The following ATAD3A variants were observed in gnomAD, a reference collection of about 807,000 sequenced individuals.
The protein encoded by ATAD3A is ATPase family AAA domain-containing protein 3A.
In ATAD3A, 46 loss-of-function variants were observed where a neutral mutation model predicts 73.8. The ratio of observed to expected loss-of-function variants is 0.62; its 90% CI spans 0.49 to 0.80. The LOEUF (loss-of-function observed/expected upper bound fraction) is 0.80. Among genes scored for constraint, ATAD3A ranks in the 30% least tolerant of loss-of-function variants. The pLI is 0.00. For synonymous variants in ATAD3A, 319 were observed against 350.0 expected (o/e 0.91, Z 0.99); for missense variants, 705 against 838.0 (o/e 0.84, Z 1.96).
rs1461526890 is a variant in ATAD3A, at chr1:1,520,735, G to A, written c.750+118G>A. 1.7e-5 allele frequency: 26 copies of A among 1,510,462 alleles called. No homozygotes were observed. Among genetic ancestry groups the A allele is most frequent in the South Asian group, 5.9e-5 (5 of 84,370 alleles). The allele number at this position is 1,510,462 out of a possible 1,614,324, so 93.6% of individuals were successfully genotyped here. On this transcript the variant is annotated intron_variant, in intron 7 of 15. Transcript: ENST00000378756. The surrounding 1 kb of genome is among the most constrained non-coding windows in gnomAD (Gnocchi z 4.0). ...CACAGCCCTGTAGCTCTCCCAGCAG[G>A]GAGGAAGCCCACGTTGTACCTGCTG...
At position 1,520,561 on chromosome 1, in the gene ATAD3A, T is replaced by A. The variant is rs778743694; in HGVS notation, c.694T>A (p.Leu232Met). ...CTTTCCCCGCAGGACGGCTGGCACC[T>A]TGTTTGGGGAAGGATTCCGTGCCTT... ...VLESIRTAGT[L>M]FGEGFRAFVT... Residue 232 changes from leucine to methionine, a missense_variant, in exon 7 of 16, where the codon TTG becomes ATG. This residue lies in a region of ATAD3A where 315 missense variants were observed against 334.1 expected (regional missense o/e 0.94). Coordinates refer to ENST00000378756, the MANE Select transcript of ATAD3A (RefSeq NM_001170535.3). The surrounding 1 kb of genome is among the most constrained non-coding windows in gnomAD (Gnocchi z 4.0). 1 of 1,613,996 alleles carries A rather than the reference T, an allele frequency of 6.2e-7. No homozygotes were observed. The highest frequency in any genetic ancestry group is 8.5e-7 in the Non-Finnish European group (1 of 1,179,882).
chr1:1,518,862 C>T, intron 4 of ATAD3A, 59 bp from the exon 5 acceptor site: 1 of 1,613,874 alleles, frequency 6.2e-7, no homozygotes, highest in Non-Finnish European at 8.5e-7. Flanking sequence ...ATCCCCCGCA[C>T]ACATGGGCAC....
intron 4 of ATAD3A, among the ~76,000 whole-genome samples, chr1:1,518,029 C>T (rs1570324523): frequency 2.6e-5 from 4 of 152,002 alleles, no homozygotes; most frequent in African/African-American, 9.7e-5. Context: ...CACACACTCC[C>T]AGCACACACA....
intron 12 of ATAD3A, among the ~76,000 whole-genome samples, chr1:1,526,079 G>C (rs1459174104): frequency 6.6e-6 from 1 of 151,162 alleles, no homozygotes; most frequent in Admixed American, 6.6e-5. Flanking sequence ...CTGGAGTGCA[G>C]CGGTGCAATT....
chr1:1,534,201 C>T lies in ATAD3A; in HGVS notation c.*129C>T, dbSNP rs1186245836. 13 of 1,544,138 alleles carry T rather than the reference C, an allele frequency of 8.4e-6. No individual in the cohort carries two copies. The highest frequency in any genetic ancestry group is 1.1e-5 in the Non-Finnish European group (13 of 1,145,194). The stretch of plus-strand genomic sequence containing the variant: ...GGCTGTGCCCAGGGCCTCTGTCCCC[C>T]AGGATGTCTTGTGGTGCGGGTCGGC... On this transcript the variant is annotated 3_prime_UTR_variant, in exon 16 of 16. Coordinates refer to ENST00000378756, the MANE Select transcript of ATAD3A (RefSeq NM_001170535.3).
In ATAD3A at chr1:1,512,399, A is replaced by G. The variant is rs995479116; in HGVS notation, c.131A>G (p.Lys44Arg). 19 of 1,235,740 alleles carry G rather than the reference A, an allele frequency of 1.5e-5. No individual in the cohort carries two copies. Among genetic ancestry groups the G allele is most frequent in the Non-Finnish European group, 1.9e-5 (19 of 985,118 alleles). 76.5% of individuals were successfully genotyped at this position (1,235,740 alleles called of 1,614,324 possible). Reference sequence around the variant, plus strand: ...GGGTTGGGAGACCGGCCGGCGCCCAAGGACAAATGGAGCAACTTCGACCCC... The same window carrying G: ...GGGTTGGGAGACCGGCCGGCGCCCAGGGACAAATGGAGCAACTTCGACCCC... ...DRGLGDRPAP[K>R]DKWSNFDPTG... The change falls in exon 1 of 16, where the codon AAG (lysine) becomes AGG (arginine). Residue 44 changes from lysine (K) to arginine (R), a missense_variant. Physicochemically the swap from Lys to Arg is conservative, Grantham distance 26. Transcript: ENST00000378756.
rs144578623 is a variant in ATAD3A at position 1,520,207 on chromosome 1, G to T, written c.581G>T (p.Arg194Leu). Residue 194 changes from arginine (R) to leucine (L), a missense_variant, in exon 6 of 16, where the codon CGG becomes CTG. Physicochemically the swap from Arg to Leu is moderately radical, Grantham distance 102 (BLOSUM62 -2). Transcript: ENST00000378756. This position sits in a 1 kb window ranked among gnomAD's most constrained non-coding sequence, Gnocchi z 4.0. ...ATGCTGCGAGTGGAGGCCGAGGCCC[G>T]GGCGCGCGCCAAGGCCGAGCGGGAG... The part of the protein sequence containing the change: ...NEMLRVEAEA[R>L]ARAKAERENA... The T allele has an allele frequency of 6.2e-7, 1 of 1,611,926 alleles. No homozygotes were observed. The highest frequency in any genetic ancestry group is 8.5e-7 in the Non-Finnish European group (1 of 1,179,674).
chr1:1,525,647 C>A (rs1641791526), intron 12 of ATAD3A, among the ~76,000 whole-genome samples: 1 of 152,132 alleles, frequency 6.6e-6, no homozygotes, highest in Non-Finnish European at 1.5e-5. Context: ...ATCTCCTGAC[C>A]TCGTGATCCT....
At chr1:1,524,954 G>T (rs1441821930) in intron 11 of ATAD3A, among the ~76,000 whole-genome samples, 2 of 152,194 alleles carry the variant, frequency 1.3e-5, no homozygotes, top group African/African-American at 4.8e-5. Flanking sequence ...ACTCTAAGCG[G>T]CCACCAGTGC....
At chr1:1,527,630 C>T in intron 13 of ATAD3A, 65 bp from the exon 14 acceptor site, 2 of 1,539,670 alleles carry the variant, frequency 1.3e-6, no homozygotes, top group East Asian at 4.6e-5. Flanking sequence ...CTGAGGAGGC[C>T]CCGTTCCCCT....
intron 11 of ATAD3A, 55 bp from the exon 12 acceptor site, chr1:1,525,185 T>C (rs1021037373): frequency 1.2e-6 from 2 of 1,611,188 alleles, no homozygotes; most frequent in Non-Finnish European, 1.7e-6. Context: ...CGGACGCTGC[T>C]GTGGGCTGCT....
At chr1:1,517,884 A>G in intron 4 of ATAD3A, 109 bp downstream of exon 4, 2 of 1,537,080 alleles carry the variant, frequency 1.3e-6, no homozygotes, top group Non-Finnish European at 1.8e-6. Flanking sequence ...GGGGTTGCTG[A>G]CGGTGGGTGC....
At chr1:1,533,650 C>A (rs771088438) in intron 15 of ATAD3A, among the ~76,000 whole-genome samples, 5 of 152,086 alleles carry the variant, frequency 3.3e-5, no homozygotes, top group Non-Finnish European at 5.9e-5. Flanking sequence ...TGCCCTGGGT[C>A]GGCGGTCAGT....
At position 1,520,252 on chromosome 1, in the gene ATAD3A, A is replaced by G. The variant is rs762492311; in HGVS notation, c.626A>G (p.Glu209Gly). 1 of 1,612,890 alleles carries G rather than the reference A, an allele frequency of 6.2e-7. No homozygotes were observed. The highest frequency in any genetic ancestry group is 2.2e-5 in the East Asian group (1 of 44,872). The change falls in exon 6 of 16, where the codon GAG (glutamate) becomes GGG (glycine). Residue 209 changes from glutamate (E) to glycine (G), a missense_variant. Around this residue, in one of 5 missense-constraint regions of ATAD3A, gnomAD observed 315 missense variants for 334.1 expected, o/e 0.94. Transcript: ENST00000378756. This position sits in a 1 kb window ranked among gnomAD's most constrained non-coding sequence, Gnocchi z 4.0. The stretch of plus-strand genomic sequence containing the variant: ...CGGGAGAATGCAGACATCATCCGCG[A>G]GCAGATCCGCCTGAAGGCGGCCGAG... ...AERENADIIR[E>G]QIRLKAAEHR...
intron 7 of ATAD3A, among the ~76,000 whole-genome samples, chr1:1,522,521 G>T (rs1463095795): frequency 6.6e-6 from 1 of 152,222 alleles, no homozygotes; most frequent in Non-Finnish European, 1.5e-5. Flanking sequence ...GCCAGTTGCA[G>T]AGAAAATGGC....
chr1:1,534,292 C>T lies in ATAD3A; in HGVS notation c.*220C>T, dbSNP rs1195474415. 1.7e-5 allele frequency: 24 copies of T among 1,441,564 alleles called. No homozygotes were observed. The highest frequency in any genetic ancestry group is 2.2e-5 in the Non-Finnish European group (24 of 1,105,466). The allele number at this position is 1,441,564 out of a possible 1,614,324, so 89.3% of individuals were successfully genotyped here. On this transcript the variant is annotated 3_prime_UTR_variant, in exon 16 of 16. Transcript: ENST00000378756. ...TAGGGAGGGGCAGGCCTCCTTCCTG[C>T]CCCTCGAGACACTCTTGGGAGATGC...
rs1641695185 is a variant in ATAD3A, at chr1:1,523,772, C to T, written c.964-67C>T. The T allele has an allele frequency of 3.7e-6, 6 of 1,608,718 alleles. No individual in the cohort carries two copies. The South Asian group carries it at 5.5e-5, about 15-fold the overall frequency. ...CCGAGTCTGCACCCAGGCATTCCCG[C>T]AGCCCCTTCCCCTGAGGCTTCCATG... On this transcript the variant is annotated intron_variant, in intron 9 of 15. Transcript: ENST00000378756. This position sits in a 1 kb window ranked among gnomAD's most constrained non-coding sequence, Gnocchi z 5.1.
chr1:1,521,517 C>T (rs985761451), intron 7 of ATAD3A, among the ~76,000 whole-genome samples: 3 of 152,162 alleles, frequency 2.0e-5, no homozygotes, highest in Non-Finnish European at 2.9e-5. Context: ...GCCCAGCACA[C>T]GGTAGGTGCC....
chr1:1,529,539 C>A (rs1469639742), intron 15 of ATAD3A, among the ~76,000 whole-genome samples: 1 of 152,212 alleles, frequency 6.6e-6, no homozygotes, highest in Non-Finnish European at 1.5e-5. Flanking sequence ...GAGGGTGGAG[C>A]CATGTCGGTG....
Sources: allele counts gnomAD v4.1 joint callset (sites outside exome capture counted in the v4.1 genomes callset), GRCh38; gene constraint gnomAD v4.1.1; regional missense constraint gnomAD v4.1.1; non-coding constraint Gnocchi (gnomAD v3.1); transcripts MANE v1.5; gene names NCBI Gene and HGNC (gene_info 2026-07-23, HGNC 2026-07-21).